Variants in NR5A2 observed in about 807,000 individuals in gnomAD.
NR5A2 encodes the protein CYP7A promoter-binding factor.
In NR5A2, 26 loss-of-function variants were observed where a neutral mutation model predicts 62.7. The ratio of observed to expected loss-of-function variants is 0.41; its 90% CI spans 0.30 to 0.58. The LOEUF (loss-of-function observed/expected upper bound fraction) is 0.58. Among genes scored for constraint, NR5A2 ranks in the 20% least tolerant of loss-of-function variants. NR5A2 has a pLI of 0.22. For synonymous variants in NR5A2, 246 were observed against 241.7 expected, an observed-to-expected ratio of 1.02 and a Z score of -0.16; for missense variants, 541 against 669.1, an observed-to-expected ratio of 0.81 and a Z score of 2.11.
At chr1:200,099,863 A>AT (rs1476911042) in intron 5 of NR5A2, among the ~76,000 whole-genome samples, 2 of 152,146 alleles carry the variant, frequency 1.3e-5, no homozygotes, top group Admixed American at 1.3e-4. Flanking sequence ...AAGTGCTGAG[A>AT]TTACAGGCAT....
At chr1:200,154,140 C>T (rs893023762) in intron 7 of NR5A2, among the ~76,000 whole-genome samples, 2 of 152,212 alleles carry the variant, frequency 1.3e-5, no homozygotes, top group African/African-American at 2.4e-5. Context: ...TTTCCTTCCA[C>T]AGGGGTTCCC....
At chr1:200,167,077 C>T (rs536194950) in intron 7 of NR5A2, among the ~76,000 whole-genome samples, 2 of 152,298 alleles carry the variant, frequency 1.3e-5, no homozygotes, top group Admixed American at 6.5e-5. Flanking sequence ...TACATACTCT[C>T]ACTAACTCCT....
intron 7 of NR5A2, among the ~76,000 whole-genome samples, chr1:200,165,512 T>A (rs189733748): frequency 3.2e-4 from 48 of 152,318 alleles, no homozygotes; most frequent in African/African-American, 1.1e-3. Flanking sequence ...CAGTCATCCC[T>A]CCTTCTACCA....
intron 5 of NR5A2, among the ~76,000 whole-genome samples, chr1:200,093,150 C>T (rs1664900612): frequency 6.6e-6 from 1 of 152,024 alleles, no homozygotes; most frequent in African/African-American, 2.4e-5. Flanking sequence ...GTGATCCACC[C>T]ATCTCAGCCT....
At chr1:200,154,735 G>C (rs1461366893) in intron 7 of NR5A2, among the ~76,000 whole-genome samples, 6 of 152,178 alleles carry the variant, frequency 3.9e-5, no homozygotes, top group Non-Finnish European at 8.8e-5. Context: ...GGCATTATGA[G>C]AGTTTCAGCA....
intron 7 of NR5A2, among the ~76,000 whole-genome samples, chr1:200,166,775 G>A (rs1483833736): frequency 2.0e-5 from 3 of 152,182 alleles, no homozygotes; most frequent in Non-Finnish European, 4.4e-5. Flanking sequence ...AATCCTAGAT[G>A]AGCTTCTCAA....
At chr1:200,065,747 G>T (rs1002503603) in intron 5 of NR5A2, among the ~76,000 whole-genome samples, 1 of 152,174 alleles carries the variant, frequency 6.6e-6, no homozygotes, top group Non-Finnish European at 1.5e-5. Flanking sequence ...AGCAGTTAGA[G>T]GGGTTCAGAG....
intron 7 of NR5A2, among the ~76,000 whole-genome samples, chr1:200,129,017 T>G (rs567533657): frequency 6.6e-6 from 1 of 152,310 alleles, no homozygotes; most frequent in Admixed American, 6.5e-5. Context: ...TCTTTTCCCT[T>G]TACTTAAGTG....
In NR5A2 at chr1:200,130,278, GGAAGAAGAAGAAGAAGAAGAA is replaced by G. The variant is rs66507419; in HGVS notation, c.1378+9348_1378+9368del. Among the ~76,000 whole-genome samples, 591 of 106,520 alleles carry G rather than the reference GGAAGAAGAAGAAGAAGAAGAA, an allele frequency of 5.5e-3. 4 individuals are homozygous for G. The highest frequency in any genetic ancestry group is 7.3e-3 in the Non-Finnish European group (316 of 43,238). The allele number at this position is 106,520 out of a possible 152,430, so 69.9% of individuals were successfully genotyped here. A position where few individuals can be genotyped will look rare whatever the true frequency, so the allele number is the denominator to read the frequency against. ...GAGATCTGCTTGCAGGAACTAACTA[GGAAGAAGAAGAAGAAGAAGAA>G]GAAGAAGAAGAAGAAGAAGAAGAAA... On this transcript the variant is annotated intron_variant, in intron 7 of 7. Coordinates refer to ENST00000367362, the MANE Select transcript of NR5A2 (RefSeq NM_205860.3).
intron 7 of NR5A2, among the ~76,000 whole-genome samples, chr1:200,153,939 AAAG>A (rs1353055395): frequency 1.3e-5 from 2 of 152,244 alleles, no homozygotes; most frequent in Non-Finnish European, 2.9e-5. Flanking sequence ...AATTAAGAAA[AAAG>A]AACAAAATTA....
chr1:200,126,171 C>A (rs146230613), intron 7 of NR5A2, among the ~76,000 whole-genome samples: 3 of 152,166 alleles, frequency 2.0e-5, no homozygotes, highest in Non-Finnish European at 4.4e-5. Flanking sequence ...CCTTTAAAAT[C>A]ATAATTTGGA....
intron 7 of NR5A2, among the ~76,000 whole-genome samples, chr1:200,144,106 A>G (rs1451719339): frequency 1.3e-5 from 2 of 152,176 alleles, no homozygotes; most frequent in Admixed American, 1.3e-4. Flanking sequence ...ATTCACCACA[A>G]TATTTTGACA....
chr1:200,035,330 T>C (rs543551756), intron 1 of NR5A2, among the ~76,000 whole-genome samples: 149 of 152,214 alleles, frequency 9.8e-4, no homozygotes, highest in African/African-American at 3.5e-3. Flanking sequence ...CAAGTTTGGG[T>C]GGGTCATCTA....
rs1428149623 is a variant in NR5A2, at chr1:200,177,049, C to G, written c.*2839C>G. On this transcript the variant is annotated 3_prime_UTR_variant, in exon 8 of 8. Transcript: ENST00000367362. ...CACCCAAGGTTGACAAGTGAAGTTT[C>G]TCTAATGTTGATTGTTAGCCGATTT... 1.3e-5 allele frequency: 2 copies of G among 152,216 alleles called. No homozygotes were observed. The highest frequency in any genetic ancestry group is 6.6e-5 in the Admixed American group (1 of 15,266). The allele number at this position is 152,216 out of a possible 1,614,324, so 9.4% of individuals were successfully genotyped here. A position where few individuals can be genotyped will look rare whatever the true frequency, so the allele number is the denominator to read the frequency against.
chr1:200,085,758 G>A (rs968905590), intron 5 of NR5A2, among the ~76,000 whole-genome samples: 7 of 151,938 alleles, frequency 4.6e-5, no homozygotes, highest in African/African-American at 1.2e-4. Flanking sequence ...TGCGATTTTT[G>A]TGGGGAATGT....
At chr1:200,173,229 C>G (rs902937833) in intron 7 of NR5A2, among the ~76,000 whole-genome samples, 1 of 151,934 alleles carries the variant, frequency 6.6e-6, no homozygotes, top group Non-Finnish European at 1.5e-5. Flanking sequence ...ACATGAGTGA[C>G]CAGAAGAAAA....
chr1:200,174,156 G>A lies in NR5A2; in HGVS notation c.1572G>A (p.Gly524=). The change falls in exon 8 of 8, where the codon GGG becomes GGA. Residue 524 remains glycine (G), a synonymous_variant. Coordinates refer to ENST00000367362, the MANE Select transcript of NR5A2 (RefSeq NM_205860.3). The part of the protein sequence containing the change: ...EEYLYYKHLN[G]DVPYNNLLIE... The stretch of plus-strand genomic sequence containing the variant: ...ACCTCTACTACAAGCACCTGAACGG[G>A]GATGTGCCCTATAATAACCTTCTCA... The A allele has an allele frequency of 1.2e-6, 2 of 1,613,376 alleles. No individual in the cohort carries two copies. Among genetic ancestry groups the A allele is most frequent in the Non-Finnish European group, 1.7e-6 (2 of 1,179,718 alleles).
chr1:200,134,336 G>A (rs1667121666), intron 7 of NR5A2, among the ~76,000 whole-genome samples: 1 of 152,164 alleles, frequency 6.6e-6, no homozygotes, highest in East Asian at 1.9e-4. Flanking sequence ...CAGTCCTGCA[G>A]TCTCCACCTA....
intron 7 of NR5A2, among the ~76,000 whole-genome samples, chr1:200,129,856 G>A (rs994635899): frequency 6.6e-6 from 1 of 152,194 alleles, no homozygotes; most frequent in African/African-American, 2.4e-5. Context: ...GCTGTGCTCA[G>A]GATGCCTACA....
Sources: allele counts gnomAD v4.1 joint callset (sites outside exome capture counted in the v4.1 genomes callset), GRCh38; gene constraint gnomAD v4.1.1; transcripts MANE v1.5; gene names NCBI Gene and HGNC (gene_info 2026-07-23, HGNC 2026-07-21).